Variants in LDB2 observed in about 807,000 individuals in gnomAD.
LDB2 encodes the protein LIM domain binding 2.
In LDB2, 12 loss-of-function variants were observed where a neutral mutation model predicts 44.3. That is an observed-to-expected ratio of 0.27 (90% CI 0.17 to 0.44). The LOEUF is 0.44. Among genes scored for constraint, LDB2 ranks in the 20% least tolerant of loss-of-function variants. LDB2 has a pLI of 1.00. For missense variants in LDB2, 344 were observed against 473.5 expected (o/e 0.73, Z 2.54); for synonymous variants, 164 against 174.8 (o/e 0.94, Z 0.49).
intron 5 of LDB2, among the ~76,000 whole-genome samples, chr4:16,568,331 C>T (rs182929363): frequency 5.3e-5 from 8 of 152,170 alleles, no homozygotes; most frequent in East Asian, 3.9e-4. Flanking sequence ...GTAGCTTAAA[C>T]GGGAGTACAA....
intron 2 of LDB2, among the ~76,000 whole-genome samples, chr4:16,626,190 G>A (rs1427792118): frequency 1.3e-5 from 2 of 152,170 alleles, no homozygotes; most frequent in African/African-American, 4.8e-5. Flanking sequence ...TCACACACTG[G>A]CTAGTACATC....
intron 2 of LDB2, among the ~76,000 whole-genome samples, chr4:16,652,064 C>A (rs944220040): frequency 1.3e-5 from 2 of 152,040 alleles, no homozygotes; most frequent in South Asian, 4.1e-4. Context: ...GATTCTTCCC[C>A]CTCAACCTCC....
intron 2 of LDB2, among the ~76,000 whole-genome samples, chr4:16,655,033 C>A (rs762792349): frequency 6.6e-6 from 1 of 152,166 alleles, no homozygotes; most frequent in South Asian, 2.1e-4. Context: ...CAAAGAGATT[C>A]GAACGAAATC....
chr4:16,525,744 A>G (rs1239088681), intron 5 of LDB2, among the ~76,000 whole-genome samples: 2 of 152,226 alleles, frequency 1.3e-5, no homozygotes, highest in Admixed American at 6.5e-5. Context: ...GATATATACT[A>G]TGTCAGGTAG....
chr4:16,778,488 G>A (rs569214337), intron 1 of LDB2, among the ~76,000 whole-genome samples: 1 of 152,010 alleles, frequency 6.6e-6, no homozygotes, highest in South Asian at 2.1e-4. Flanking sequence ...CCATCTCTCC[G>A]CTTATCACAA....
chr4:16,732,809 G>C (rs566523712), intron 2 of LDB2, among the ~76,000 whole-genome samples: 2 of 152,184 alleles, frequency 1.3e-5, no homozygotes, highest in African/African-American at 4.8e-5. Context: ...TTTCTGAAAA[G>C]AGTTTTGGCA....
chr4:16,789,498 G>A (rs11945913), intron 1 of LDB2, among the ~76,000 whole-genome samples: 3,290 of 152,288 alleles, frequency 0.022, 122 homozygotes, highest in African/African-American at 0.075. Flanking sequence ...CCATCTAGAG[G>A]AAGTTTGTGA....
At chr4:16,649,299 G>A (rs1737622210) in intron 2 of LDB2, among the ~76,000 whole-genome samples, 1 of 152,174 alleles carries the variant, frequency 6.6e-6, no homozygotes, top group South Asian at 2.1e-4. Flanking sequence ...TTTGCCCCAA[G>A]TGTTGCCTGT....
intron 1 of LDB2, chr4:16,826,635 T>C (rs1037414099): frequency 2.0e-5 from 3 of 152,210 alleles, no homozygotes; most frequent in Non-Finnish European, 4.4e-5. Flanking sequence ...TAGACAGAGT[T>C]CTTCAACAAG....
At chr4:16,851,336 A>C (rs1788190648) in intron 1 of LDB2, among the ~76,000 whole-genome samples, 1 of 152,110 alleles carries the variant, frequency 6.6e-6, no homozygotes, top group Admixed American at 6.5e-5. Flanking sequence ...TGGGGAGTAA[A>C]TGGAAAAAAG....
intron 1 of LDB2, among the ~76,000 whole-genome samples, chr4:16,772,327 C>T (rs546830851): frequency 2.0e-5 from 3 of 152,300 alleles, no homozygotes; most frequent in East Asian, 1.9e-4. Context: ...GCCTGCTTTG[C>T]TCTGAAGCCT....
rs532121066 is a variant in LDB2 at position 16,800,806 on chromosome 4, C to G, written c.133-41546G>C. Reference sequence around the variant, plus strand: ...TCTCCTGCCTCAGCCTCCCAAGTAGCTGGGACTACAGGCGCCCGCCACCAA... The same window carrying G: ...TCTCCTGCCTCAGCCTCCCAAGTAGGTGGGACTACAGGCGCCCGCCACCAA... On this transcript the variant is annotated intron_variant, in intron 1 of 7. Transcript: ENST00000304523. Among the ~76,000 whole-genome samples, 9 of 152,350 alleles carry G rather than the reference C, an allele frequency of 5.9e-5. No homozygotes were observed. In the East Asian group the frequency reaches 1.5e-3, roughly 26 times the overall value.
chr4:16,593,237 G>A (rs78706741), intron 3 of LDB2, among the ~76,000 whole-genome samples: 93 of 152,222 alleles, frequency 6.1e-4, no homozygotes, highest in African/African-American at 1.6e-3. Context: ...AGAACACTGC[G>A]ATGCTGCCTG....
At chr4:16,565,036 T>C (rs760993544) in intron 5 of LDB2, among the ~76,000 whole-genome samples, 12 of 152,342 alleles carry the variant, frequency 7.9e-5, no homozygotes, top group Middle Eastern at 6.8e-3. Context: ...CAGTAATTAA[T>C]GTGGCCCAGT....
intron 2 of LDB2, among the ~76,000 whole-genome samples, chr4:16,749,558 CA>C (rs1287627062): frequency 0.083 from 6,256 of 75,452 alleles, 151 homozygotes; most frequent in Middle Eastern, 0.24. Context: ...GACTCCATCT[CA>C]AAAAAAAAAA....
At chr4:16,554,285 G>A (rs753278624) in intron 5 of LDB2, among the ~76,000 whole-genome samples, 8 of 152,046 alleles carry the variant, frequency 5.3e-5, no homozygotes, top group Admixed American at 2.0e-4. Flanking sequence ...CCCAGCCTCA[G>A]GTGATCCACC....
chr4:16,697,105 A>G (rs2152621068), intron 2 of LDB2, among the ~76,000 whole-genome samples: 1 of 152,276 alleles, frequency 6.6e-6, no homozygotes, highest in Admixed American at 6.5e-5. Context: ...CATCTTTAGT[A>G]AGAATAAATT....
intron 1 of LDB2, among the ~76,000 whole-genome samples, chr4:16,853,732 C>T (rs376575795): frequency 2.7e-4 from 41 of 152,044 alleles, no homozygotes; most frequent in African/African-American, 7.2e-4. Context: ...AACAAGCATC[C>T]GTCAGTGGAT....
At chr4:16,829,637 A>G (rs1437993207) in intron 1 of LDB2, among the ~76,000 whole-genome samples, 1 of 152,196 alleles carries the variant, frequency 6.6e-6, no homozygotes, top group Non-Finnish European at 1.5e-5. Flanking sequence ...TACCGTAGTA[A>G]TATACTAACT....
Sources: gnomAD v4.1 joint callset for allele counts (sites outside exome capture counted in the v4.1 genomes callset) on GRCh38, gnomAD v4.1.1 for gene constraint, MANE v1.5 for transcripts, NCBI Gene and HGNC (gene_info 2026-07-23, HGNC 2026-07-21) for gene names.